The following MATN4 variants were observed in gnomAD, a reference collection of about 807,000 sequenced individuals.
MATN4 encodes the protein matrilin-4.
In MATN4, 40 loss-of-function variants were observed where a neutral mutation model predicts 54.6. That is an observed-to-expected ratio of 0.73 (90% CI 0.57 to 0.95). The LOEUF is 0.95. Among genes scored for constraint, MATN4 ranks in the 40% least tolerant of loss-of-function variants. The pLI, the probability that MATN4 is intolerant of heterozygous loss-of-function variation, is 0.00. For synonymous variants in MATN4, 351 were observed against 345.3 expected, an observed-to-expected ratio of 1.02 and a Z score of -0.18; for missense variants, 810 against 819.1, an observed-to-expected ratio of 0.99 and a Z score of 0.13.
intron 3 of MATN4, among the ~76,000 whole-genome samples, chr20:45,302,728 C>A (rs531466575): frequency 6.6e-6 from 1 of 152,246 alleles, no homozygotes; most frequent in African/African-American, 2.4e-5. Flanking sequence ...GGGGGACACC[C>A]ACCTAATTGA....
In MATN4 at chr20:45,298,980, A is replaced by G. The variant is rs1986051011; in HGVS notation, c.1013-397T>C. Among the ~76,000 whole-genome samples the G allele has an allele frequency of 6.6e-6, 1 of 152,226 alleles. No individual in the cohort carries two copies. The highest frequency in any genetic ancestry group is 2.4e-5 in the African/African-American group (1 of 41,440). On this transcript the variant is annotated intron_variant, in intron 6 of 9. Transcript: ENST00000372756. This position sits in a 1 kb window ranked among gnomAD's most constrained non-coding sequence, Gnocchi z 4.6. ...ATTTACCGACAGCTTACCATGTGGT[A>G]GGTACTGGGTGAAGTGCTTATATAT...
rs374544052 is a variant in MATN4 at position 45,298,140 on chromosome 20, C to T, written c.1426+30G>A. 18 of 1,600,504 alleles carry T rather than the reference C, an allele frequency of 1.1e-5. No homozygotes were observed. The African/African-American group carries it at 1.2e-4, about 11-fold the overall frequency. ...CTGCCTCCCAGCGTCTGACCCAACC[C>T]CAGCCCACTGTGTCCCATGCCAAGC... On this transcript the variant is annotated intron_variant, in intron 7 of 9. Transcript: ENST00000372756. This position sits in a 1 kb window ranked among gnomAD's most constrained non-coding sequence, Gnocchi z 4.6.
chr20:45,301,456 T>C lies in MATN4; in HGVS notation c.644-13A>G. On this transcript the variant is annotated splice_polypyrimidine_tract_variant and intron_variant, in intron 3 of 9. Transcript: ENST00000372756. ...CACAGATCAATGGCTGAGGAAGAAA[T>C]GGGGTCAGTCTATGCCCAGGACTGC... 1 of 1,612,060 alleles carries C rather than the reference T, an allele frequency of 6.2e-7. No individual in the cohort carries two copies. The highest frequency in any genetic ancestry group is 8.5e-7 in the Non-Finnish European group (1 of 1,179,630).
chr20:45,296,087 C>T (rs913532174), intron 8 of MATN4, among the ~76,000 whole-genome samples: 6 of 151,506 alleles, frequency 4.0e-5, no homozygotes, highest in African/African-American at 9.7e-5. Context: ...TGGTGGCATG[C>T]GCCTGTTGTC....
chr20:45,298,826 A>G lies in MATN4; in HGVS notation c.1013-243T>C, dbSNP rs987626723. Among the ~76,000 whole-genome samples the G allele has an allele frequency of 3.3e-5, 5 of 152,152 alleles. No homozygotes were observed. Among genetic ancestry groups the G allele is most frequent in the Non-Finnish European group, 7.3e-5 (5 of 68,034 alleles). On this transcript the variant is annotated intron_variant, in intron 6 of 9. Coordinates refer to ENST00000372756, the MANE Select transcript of MATN4 (RefSeq NM_001393530.1). The surrounding 1 kb of genome is among the most constrained non-coding windows in gnomAD (Gnocchi z 4.6). ...AGTGCTTAGAACAAACCACTCTGCT[A>G]AAAGCATCTTTTTTTAACAACAATC... is the stretch of plus-strand genomic sequence containing the variant.
rs114460965 is a variant in MATN4 at position 45,298,020 on chromosome 20, G to A, written c.1477C>T (p.Arg493Cys). 162 of 1,613,956 alleles carry A rather than the reference G, an allele frequency of 1.0e-4. 1 individual carries two copies. In the African/African-American group the frequency reaches 2.0e-3, roughly 20 times the overall value. The change falls in exon 8 of 10, where the codon CGC (arginine) becomes TGC (cysteine). Residue 493 changes from arginine to cysteine, a missense_variant. By Grantham distance (180) the Arg-to-Cys change is radical. Transcript: ENST00000372756. This position sits in a 1 kb window ranked among gnomAD's most constrained non-coding sequence, Gnocchi z 4.6. ...GVGKAVEAEL[R>C]EIASEPAELH... The stretch of plus-strand genomic sequence containing the variant: ...TCCGCTGGCTCCGAGGCGATCTCGC[G>A]CAGCTCCGCCTCCACCGCCTTGCCC...
rs11906732 is a variant in MATN4, at chr20:45,299,648, C to G, written c.1013-1065G>C. ...CTCCCAGCACTTTGGGAGGCTGAGG[C>G]GGGCAGATCACTTGAGGTTAGGAGT... On this transcript the variant is annotated intron_variant, in intron 6 of 9. Transcript: ENST00000372756. Among the ~76,000 whole-genome samples, 4 of 151,748 alleles carry G rather than the reference C, an allele frequency of 2.6e-5. No homozygotes were observed. The South Asian group carries it at 8.3e-4, about 32-fold the overall frequency.
At chr20:45,301,939 C>G (rs2048297442) in intron 3 of MATN4, among the ~76,000 whole-genome samples, 1 of 151,546 alleles carries the variant, frequency 6.6e-6, no homozygotes, top group South Asian at 2.1e-4. Flanking sequence ...GTGAAAAATC[C>G]CTTGTACTAG....
In MATN4 at chr20:45,298,405, G is replaced by A; in HGVS notation, c.1191C>T (p.Phe397=). 1.2e-6 allele frequency: 2 copies of A among 1,612,856 alleles called. No individual in the cohort carries two copies. Among genetic ancestry groups the A allele is most frequent in the Non-Finnish European group, 1.7e-6 (2 of 1,179,534 alleles). Residue 397 remains phenylalanine (F), a synonymous_variant, in exon 7 of 10, where the codon TTC becomes TTT. Coordinates refer to ENST00000372756, the MANE Select transcript of MATN4 (RefSeq NM_001393530.1). The surrounding 1 kb of genome is among the most constrained non-coding windows in gnomAD (Gnocchi z 4.6). ...VQFSSRVRTE[F]PLGRYGTAAE... is the part of the protein sequence containing the mutation. ...CTGCGGTGCCGTAGCGACCCAGAGG[G>A]AACTCGGTGCGCACGCGGCTCGAGA...
In MATN4 at chr20:45,304,622, C is replaced by G; in HGVS notation, c.249G>C (p.Gln83His). Residue 83 changes from glutamine (Q) to histidine (H), a missense_variant, in exon 3 of 10, where the codon CAG becomes CAC. Physicochemically the swap from Gln to His is conservative, Grantham distance 24 (BLOSUM62 0). Coordinates refer to ENST00000372756, the MANE Select transcript of MATN4 (RefSeq NM_001393530.1). ...AGAACGCGCGGAGAGGGAAGACGCT[C>G]TGCACTTGACTCGAATACTGGATCA... is the stretch of plus-strand genomic sequence containing the variant. ...VGVIQYSSQVQSVFPLRAFSR... is the reference protein window; with the variant it reads ...VGVIQYSSQVHSVFPLRAFSR... The G allele has an allele frequency of 6.2e-7, 1 of 1,606,234 alleles. No homozygotes were observed. Among genetic ancestry groups the G allele is most frequent in the Non-Finnish European group, 8.5e-7 (1 of 1,173,978 alleles).
intron 8 of MATN4, among the ~76,000 whole-genome samples, chr20:45,295,836 T>A (rs535830106): frequency 6.6e-6 from 1 of 152,324 alleles, no homozygotes; most frequent in East Asian, 1.9e-4. Flanking sequence ...ACATGTTTTT[T>A]CTTAGCAGTA....
intron 1 of MATN4, 155 bp downstream of exon 1, chr20:45,308,020 G>A (rs573251083): frequency 7.9e-6 from 5 of 633,940 alleles, no homozygotes; most frequent in African/African-American, 1.8e-5. Flanking sequence ...GAGGGTGGGG[G>A]CTCGATTTGG....
upstream of MATN4, chr20:45,308,484 G>A: frequency 1.8e-6 from 1 of 554,990 alleles, no homozygotes; most frequent in Non-Finnish European, 3.2e-6. Context: ...GGCCAGGCTG[G>A]AATTCAGCTA....
chr20:45,304,485 T>C lies in MATN4; in HGVS notation c.386A>G (p.Glu129Gly), dbSNP rs1187278179. 6.3e-7 allele frequency: 1 copy of C among 1,577,090 alleles called. No homozygotes were observed. Among genetic ancestry groups the C allele is most frequent in the South Asian group, 1.1e-5 (1 of 89,380 alleles). The change falls in exon 3 of 10, where the codon GAG becomes GGG. Residue 129 changes from glutamate to glycine, a missense_variant. Glu to Gly is a moderately conservative substitution (Grantham distance 98). Coordinates refer to ENST00000372756, the MANE Select transcript of MATN4 (RefSeq NM_001393530.1). ...GCGCTCCTCTGGCGGTCGCGCGCCC[T>C]CGGCCACACTGAAGGCCACGTTCAT... is the stretch of plus-strand genomic sequence containing the variant. ...YAMNVAFSVAEGARPPEERVP... is the reference protein window; with the variant it reads ...YAMNVAFSVAGGARPPEERVP...
chr20:45,298,325 G>C lies in MATN4; in HGVS notation c.1271C>G (p.Thr424Arg). The C allele has an allele frequency of 6.2e-7, 1 of 1,613,640 alleles. No homozygotes were observed. Among genetic ancestry groups the C allele is most frequent in the Non-Finnish European group, 8.5e-7 (1 of 1,179,920 alleles). Residue 424 changes from threonine (T) to arginine (R), a missense_variant, in exon 7 of 10, where the codon ACA becomes AGA. Thr to Arg is a moderately conservative substitution (Grantham distance 71). Coordinates refer to ENST00000372756, the MANE Select transcript of MATN4 (RefSeq NM_001393530.1). This position sits in a 1 kb window ranked among gnomAD's most constrained non-coding sequence, Gnocchi z 4.6. ...AVEYMERGTM[T>R]GLALRHMVEH... ...CACCATGTGCCGCAACGCCAGCCCT[G>C]TCATGGTGCCGCGTTCCATGTACTC...
Position 45,301,317 on chromosome 20 carries a change from T to C in MATN4, c.766+4A>G, listed in dbSNP as rs1395693240. The C allele has an allele frequency of 1.9e-6, 3 of 1,613,974 alleles. No homozygotes were observed. Among genetic ancestry groups the C allele is most frequent in the Non-Finnish European group, 8.5e-7 (1 of 1,180,010 alleles). ...TGTGGTGGGAGGGTGGGGGTGTTGCTCACCCCTGCAGCTCCTCTGGTCCTG... is the reference window on the plus strand; with the variant it reads ...TGTGGTGGGAGGGTGGGGGTGTTGCCCACCCCTGCAGCTCCTCTGGTCCTG... On this transcript the variant is annotated splice_donor_region_variant and intron_variant, in intron 4 of 9. Coordinates refer to ENST00000372756, the MANE Select transcript of MATN4 (RefSeq NM_001393530.1).
At chr20:45,306,214 C>A (rs1986656734) in intron 1 of MATN4, among the ~76,000 whole-genome samples, 1 of 152,164 alleles carries the variant, frequency 6.6e-6, no homozygotes, top group East Asian at 1.9e-4. Flanking sequence ...ATGCTCTTCA[C>A]GCATTGTGGC....
chr20:45,304,853 G>A (rs1164063441), intron 2 of MATN4, 56 bp from the exon 3 acceptor site: 2 of 1,175,164 alleles, frequency 1.7e-6, no homozygotes, highest in African/African-American at 1.5e-5. Context: ...CCTCCGAGGA[G>A]ACCCCCTAGG....
chr20:45,306,905 G>T, intron 1 of MATN4: 1 of 1,256,194 alleles, frequency 8.0e-7, no homozygotes, highest in Non-Finnish European at 1.0e-6. Flanking sequence ...TGAGCGGCTG[G>T]GGCCCCGTGG....
Sources: gnomAD v4.1 joint callset for allele counts (sites outside exome capture counted in the v4.1 genomes callset) on GRCh38, gnomAD v4.1.1 for gene constraint, Gnocchi (gnomAD v3.1) non-coding constraint, MANE v1.5 for transcripts, NCBI Gene and HGNC (gene_info 2026-07-23, HGNC 2026-07-21) for gene names.